The following CFAP251 variants were observed in gnomAD, a reference collection of about 807,000 sequenced individuals.
CFAP251 encodes the protein cilia- and flagella-associated protein 251.
CFAP251 carries 93 observed loss-of-function variants against 126.7 expected under a neutral mutation model. The observed-to-expected ratio is 0.73, with a 90% CI of 0.62 to 0.87. CFAP251 has a LOEUF of 0.87. Ranked by LOEUF, CFAP251 falls within the 40% of genes least tolerant of loss-of-function variation. CFAP251 has a pLI of 0.00. For missense variants in CFAP251, 1,287 were observed against 1,389.2 expected, an observed-to-expected ratio of 0.93 and a Z score of 1.17; for synonymous variants, 503 against 506.9, an observed-to-expected ratio of 0.99 and a Z score of 0.10.
chr12:121,965,319 C>T (rs1331850353), intron 15 of CFAP251, among the ~76,000 whole-genome samples: 1 of 152,168 alleles, frequency 6.6e-6, no homozygotes, highest in East Asian at 1.9e-4. Flanking sequence ...GGAAAACGGG[C>T]ACTCTCATCC....
intron 8 of CFAP251, 137 bp from the exon 9 acceptor site, chr12:121,951,343 C>T: frequency 2.1e-6 from 1 of 483,082 alleles, no homozygotes; most frequent in Non-Finnish European, 3.7e-6. Context: ...TTTCCCAAGA[C>T]AGCAAGTTCT....
chr12:121,971,547 C>T (rs1225875852), intron 17 of CFAP251: 2 of 702,682 alleles, frequency 2.8e-6, no homozygotes, highest in Non-Finnish European at 5.2e-6. Context: ...CATCTGATTT[C>T]ATCCTGACAG....
chr12:121,960,006 G>A (rs1447993721), intron 13 of CFAP251, among the ~76,000 whole-genome samples: 1 of 151,902 alleles, frequency 6.6e-6, no homozygotes, highest in Non-Finnish European at 1.5e-5. Flanking sequence ...GGTGGCATGT[G>A]CCTGTAGTCC....
chr12:121,934,281 G>A lies in CFAP251; in HGVS notation c.923G>A (p.Ser308Asn). The A allele has an allele frequency of 6.2e-7, 1 of 1,614,088 alleles. No homozygotes were observed. Among genetic ancestry groups the A allele is most frequent in the African/African-American group, 1.3e-5 (1 of 75,056 alleles). The change falls in exon 5 of 22, where the codon AGT (serine) becomes AAT (asparagine). Residue 308 changes from serine to asparagine, a missense_variant. By Grantham distance (46) the Ser-to-Asn change is conservative. Transcript: ENST00000288912. ...HANIISCLCV[S>N]EDRRWIATAD... The stretch of plus-strand genomic sequence containing the variant: ...AATATTATCTCCTGCCTCTGCGTCA[G>A]TGAAGACAGGCGGTGGATCGCCACA...
chr12:121,921,272 C>G lies in CFAP251; in HGVS notation c.-20-14C>G. 1 of 1,536,756 alleles carries G rather than the reference C, an allele frequency of 6.5e-7. No individual in the cohort carries two copies. The highest frequency in any genetic ancestry group is 8.7e-7 in the Non-Finnish European group (1 of 1,149,290). On this transcript the variant is annotated splice_polypyrimidine_tract_variant and intron_variant, in intron 1 of 21. Coordinates refer to ENST00000288912, the MANE Select transcript of CFAP251 (RefSeq NM_144668.6). ...CTGAGGGCCAGCTGGTTATTATGGT[C>G]AAAATCTCTCTAGAGGAAACTCTAC...
At chr12:121,929,466 A>C (rs1850107009) in intron 3 of CFAP251, among the ~76,000 whole-genome samples, 1 of 151,998 alleles carries the variant, frequency 6.6e-6, no homozygotes, top group South Asian at 2.1e-4. Flanking sequence ...ATCCGTTAGC[A>C]CTGATGAGCC....
chr12:121,931,616 G>A (rs1880693238), intron 3 of CFAP251, 130 bp from the exon 4 acceptor site: 1 of 902,510 alleles, frequency 1.1e-6, no homozygotes, highest in Non-Finnish European at 1.5e-6. Flanking sequence ...CCTGGCTGAG[G>A]ACTTTCTTAA....
chr12:121,993,994 GGCCA>G (rs1205455451), intron 19 of CFAP251, among the ~76,000 whole-genome samples: 5 of 46,136 alleles, frequency 1.1e-4, no homozygotes, highest in Non-Finnish European at 1.9e-4. Context: ...CCCCCCGCCC[GGCCA>G]GCCGCCCCGT....
chr12:121,920,515 G>A (rs1880124687), intron 1 of CFAP251, among the ~76,000 whole-genome samples: 1 of 151,666 alleles, frequency 6.6e-6, no homozygotes, highest in Non-Finnish European at 1.5e-5. Context: ...TCCTGCCTCA[G>A]CCTCCCGAGT....
intron 16 of CFAP251, among the ~76,000 whole-genome samples, chr12:121,967,705 AAAGAAAAGTGT>A (rs991378614): frequency 5.3e-5 from 8 of 152,328 alleles, no homozygotes; most frequent in Admixed American, 2.0e-4. Context: ...CCGTCAAAAA[AAAGAAAAGTGT>A]AAAGTCATAG....
chr12:121,977,945 C>T (rs971391054), intron 19 of CFAP251, among the ~76,000 whole-genome samples: 5 of 149,226 alleles, frequency 3.4e-5, no homozygotes, highest in East Asian at 2.0e-4. Flanking sequence ...GGTGACAGAG[C>T]GAGACTCCAT....
At chr12:121,922,650 T>G (rs1237764240) in intron 2 of CFAP251, among the ~76,000 whole-genome samples, 3 of 150,062 alleles carry the variant, frequency 2.0e-5, no homozygotes, top group Non-Finnish European at 4.4e-5. Context: ...TAAGAATAGG[T>G]CACTGTCTGT....
intron 19 of CFAP251, among the ~76,000 whole-genome samples, chr12:121,994,757 C>T (rs1414123307): frequency 9.5e-6 from 1 of 104,914 alleles, no homozygotes; most frequent in Non-Finnish European, 1.9e-5. Context: ...TGCTTGAAGG[C>T]AGCATGCTCG....
At chr12:121,943,963 G>C (rs1427679250) in intron 7 of CFAP251, among the ~76,000 whole-genome samples, 1 of 152,160 alleles carries the variant, frequency 6.6e-6, no homozygotes, top group Admixed American at 6.5e-5. Context: ...CTAGAAGTGT[G>C]CTCTTAACTA....
At chr12:121,983,638 T>C (rs1794123310) in intron 19 of CFAP251, among the ~76,000 whole-genome samples, 1 of 152,132 alleles carries the variant, frequency 6.6e-6, no homozygotes, top group African/African-American at 2.4e-5. Flanking sequence ...GGATGTTGTA[T>C]GTTCTCCCGG....
intron 8 of CFAP251, chr12:121,949,923 A>C (rs1328325738): frequency 6.6e-6 from 1 of 152,114 alleles, no homozygotes; most frequent in Non-Finnish European, 1.5e-5. Context: ...AAAACAAAAA[A>C]CGTTTCAAGT....
chr12:121,942,144 G>T (rs188098226), intron 5 of CFAP251, among the ~76,000 whole-genome samples: 1 of 152,076 alleles, frequency 6.6e-6, no homozygotes, highest in East Asian at 1.9e-4. Flanking sequence ...AAAGCATACG[G>T]TTCGGTGACA....
rs569416495 is a variant in CFAP251, at chr12:121,984,722, A to C, written c.3006+9037A>C. On this transcript the variant is annotated intron_variant, in intron 19 of 21. Coordinates refer to ENST00000288912, the MANE Select transcript of CFAP251 (RefSeq NM_144668.6). ...CACATACAAGGCAGTTCCATCCTCTATCTTTATAAATGTGTCTTTTCCTCC... is the reference window on the plus strand; with the variant it reads ...CACATACAAGGCAGTTCCATCCTCTCTCTTTATAAATGTGTCTTTTCCTCC... Among the ~76,000 whole-genome samples the C allele has an allele frequency of 2.2e-4, 34 of 152,272 alleles. 1 individual carries two copies. In the East Asian group the frequency reaches 6.4e-3, roughly 29 times the overall value.
rs1169233901 is a variant in CFAP251, at chr12:121,943,518, G to A, written c.1191+543G>A. 4.6e-5 allele frequency among the ~76,000 whole-genome samples: 7 copies of A among 151,968 alleles called. No individual in the cohort carries two copies. In the East Asian group the frequency reaches 1.4e-3, roughly 30 times the overall value. Reference sequence around the variant, plus strand: ...GCTCAACACAACCTCTGCCTCCCAGGTTCAAGCGATTCTCCTGCCTCAGCC... The same window carrying A: ...GCTCAACACAACCTCTGCCTCCCAGATTCAAGCGATTCTCCTGCCTCAGCC... On this transcript the variant is annotated intron_variant, in intron 7 of 21. Coordinates refer to ENST00000288912, the MANE Select transcript of CFAP251 (RefSeq NM_144668.6).
Sources: gnomAD v4.1 joint callset for allele counts (sites outside exome capture counted in the v4.1 genomes callset) on GRCh38, gnomAD v4.1.1 for gene constraint, MANE v1.5 for transcripts, NCBI Gene and HGNC (gene_info 2026-07-23, HGNC 2026-07-21) for gene names.